Variants in DENND2A observed in about 807,000 individuals in gnomAD.
The protein encoded by DENND2A is DENN domain containing 2A, also known as DENN domain-containing protein 2A.
In DENND2A, 53 loss-of-function variants were observed where a neutral mutation model predicts 105.3. The ratio of observed to expected loss-of-function variants is 0.50; its 90% CI spans 0.40 to 0.63. The LOEUF is 0.63. Ranked by LOEUF, DENND2A falls within the 30% of genes least tolerant of loss-of-function variation. The pLI is 0.00. For synonymous variants in DENND2A, 522 were observed against 508.4 expected (o/e 1.03, Z -0.36); for missense variants, 1,138 against 1,279.6 (o/e 0.89, Z 1.69).
chr7:140,614,030 C>G (rs1799999849), intron 1 of DENND2A, among the ~76,000 whole-genome samples: 2 of 152,184 alleles, frequency 1.3e-5, no homozygotes, highest in African/African-American at 4.8e-5. Flanking sequence ...CTCCTGCTCA[C>G]TGTTTCCCTT....
rs1585718864 is a variant in DENND2A at position 140,595,093 on chromosome 7, A to G, written c.995+6310T>C. 2.7e-5 allele frequency among the ~76,000 whole-genome samples: 4 copies of G among 149,610 alleles called. No homozygotes were observed. The South Asian group carries it at 8.5e-4, about 32-fold the overall frequency. On this transcript the variant is annotated intron_variant, in intron 3 of 19. Transcript: ENST00000496613. ...AGGATTTCGGCTCATTGCAACCTCC[A>G]CTTCCTGGATTCATGTGATTCTCCT...
chr7:140,601,989 G>A lies in DENND2A; in HGVS notation c.409C>T (p.Pro137Ser), dbSNP rs184946981. The A allele has an allele frequency of 3.1e-6, 5 of 1,614,228 alleles. No individual in the cohort carries two copies. The highest frequency in any genetic ancestry group is 2.7e-5 in the African/African-American group (2 of 75,064). Residue 137 changes from proline (P) to serine (S), a missense_variant, in exon 3 of 20, where the codon CCT becomes TCT. Coordinates refer to ENST00000496613, the MANE Select transcript of DENND2A (RefSeq NM_015689.5). ...GGCTCTCGGCCTCGGCCCCAGCTAG[G>A]ATCCACTTCCCGTTCTGGCTGGCTT... Reference protein sequence around the residue: ...DLSQPEREVDPSWGRGREPRL... With the variant: ...DLSQPEREVDSSWGRGREPRL...
At chr7:140,524,790 C>T (rs1399888042) in intron 16 of DENND2A, among the ~76,000 whole-genome samples, 35 of 151,786 alleles carry the variant, frequency 2.3e-4, no homozygotes, top group Admixed American at 2.3e-3. Context: ...CATGTTGTCC[C>T]AGGCTGGTCT....
intron 14 of DENND2A, among the ~76,000 whole-genome samples, chr7:140,529,612 G>T (rs1429531178): frequency 1.3e-5 from 2 of 152,144 alleles, no homozygotes; most frequent in African/African-American, 4.8e-5. Flanking sequence ...ATACTATGCA[G>T]CCATAAAAAA....
At chr7:140,638,323 TTTTGC>T (rs981371013) in intron 1 of DENND2A, among the ~76,000 whole-genome samples, 40 of 152,340 alleles carry the variant, frequency 2.6e-4, no homozygotes, top group Admixed American at 8.5e-4. Flanking sequence ...TCCACATTCC[TTTTGC>T]TTTGCTTTGT....
At chr7:140,621,471 A>G (rs1224717645) in intron 1 of DENND2A, among the ~76,000 whole-genome samples, 1 of 148,824 alleles carries the variant, frequency 6.7e-6, no homozygotes, top group African/African-American at 2.4e-5. Flanking sequence ...TGTTCAGTAC[A>G]AATGCAAACA....
intron 3 of DENND2A, among the ~76,000 whole-genome samples, chr7:140,593,734 C>G (rs767800934): frequency 6.6e-6 from 1 of 152,092 alleles, no homozygotes; most frequent in Non-Finnish European, 1.5e-5. Flanking sequence ...GTTTTACCTC[C>G]AAAGCATCTC....
Position 140,595,747 on chromosome 7 carries a change from G to A in DENND2A, c.995+5656C>T, listed in dbSNP as rs150511939. ...TGCACCACTGCACTCCGGCCTGGGA[G>A]ACAGAGCAAGACCCTGTTTAAAAAA... On this transcript the variant is annotated intron_variant, in intron 3 of 19. Transcript: ENST00000496613. Among the ~76,000 whole-genome samples the A allele has an allele frequency of 6.6e-3, 1,010 of 151,930 alleles. 7 individuals are homozygous for A. The highest frequency in any genetic ancestry group is 0.023 in the African/African-American group (942 of 41,450).
intron 1 of DENND2A, among the ~76,000 whole-genome samples, chr7:140,635,508 G>A (rs1417872959): frequency 3.3e-5 from 5 of 152,192 alleles, no homozygotes; most frequent in South Asian, 2.1e-4. Context: ...CCAAGGTTGC[G>A]GCTCCCTGTA....
Position 140,519,734 on chromosome 7 carries a change from A to G in DENND2A, c.2912-16T>C, listed in dbSNP as rs774839406. The G allele has an allele frequency of 1.6e-5, 26 of 1,612,266 alleles. No homozygotes were observed. The African/African-American group carries it at 3.5e-4, about 22-fold the overall frequency. ...TCAAACAGACCTGTTAACAAGAGAA[A>G]TCCCAGCCATTTGAGTTCTTGGTCT... On this transcript the variant is annotated splice_polypyrimidine_tract_variant and intron_variant, in intron 18 of 19. Transcript: ENST00000496613.
intron 6 of DENND2A, 107 bp downstream of exon 6, chr7:140,573,701 G>T: frequency 2.3e-6 from 3 of 1,278,426 alleles, no homozygotes; most frequent in Non-Finnish European, 3.3e-6. Context: ...AGCAACACAG[G>T]TGGGAGAGGG....
At chr7:140,612,136 G>T (rs1228380719) in intron 1 of DENND2A, among the ~76,000 whole-genome samples, 3 of 152,070 alleles carry the variant, frequency 2.0e-5, no homozygotes, top group Non-Finnish European at 2.9e-5. Flanking sequence ...AGCTACTTGG[G>T]AAGCTGAGGC....
At chr7:140,556,639 C>T (rs540708709) in intron 11 of DENND2A, among the ~76,000 whole-genome samples, 2 of 152,362 alleles carry the variant, frequency 1.3e-5, no homozygotes, top group Admixed American at 1.3e-4. Context: ...TGCCCGACCT[C>T]AGTCTCAATA....
rs200132556 is a variant in DENND2A, at chr7:140,601,703, A to C, written c.695T>G (p.Val232Gly). The change falls in exon 3 of 20, where the codon GTG (valine) becomes GGG (glycine). Residue 232 changes from valine (V) to glycine (G), a missense_variant. Physicochemically the swap from Val to Gly is moderately radical, Grantham distance 109. Around this residue, in one of 2 missense-constraint regions of DENND2A, gnomAD observed 511 missense variants for 499.9 expected, o/e 1.02. Coordinates refer to ENST00000496613, the MANE Select transcript of DENND2A (RefSeq NM_015689.5). ...TCTGCATGAACCTTTCCTGTCCTCC[A>C]CAAGCTCAGGGGTGGGCTCCCTGCC... is the stretch of plus-strand genomic sequence containing the variant. ...LEGREPTPEL[V>G]EDRKGSCRRP... 1.7e-4 allele frequency: 275 copies of C among 1,613,908 alleles called. No homozygotes were observed. The African/African-American group carries it at 3.5e-3, about 20-fold the overall frequency.
chr7:140,555,010 CAGA>C (rs1253022266), intron 12 of DENND2A, among the ~76,000 whole-genome samples: 1 of 152,124 alleles, frequency 6.6e-6, no homozygotes, highest in East Asian at 1.9e-4. Context: ...AGGCAATTCT[CAGA>C]AGAAGAAAAA....
At chr7:140,633,422 T>C (rs1800807452) in intron 1 of DENND2A, among the ~76,000 whole-genome samples, 1 of 152,178 alleles carries the variant, frequency 6.6e-6, no homozygotes, top group Non-Finnish European at 1.5e-5. Flanking sequence ...CCCAAAGTGC[T>C]AGAATTACAG....
intron 1 of DENND2A, among the ~76,000 whole-genome samples, chr7:140,623,439 C>T (rs1800377551): frequency 6.7e-6 from 1 of 149,266 alleles, no homozygotes; most frequent in African/African-American, 2.5e-5. Flanking sequence ...ACCTAAAGAG[C>T]GTATGGAGGG....
At chr7:140,582,806 A>C (rs748014201) in intron 5 of DENND2A, among the ~76,000 whole-genome samples, 9 of 152,364 alleles carry the variant, frequency 5.9e-5, no homozygotes, top group South Asian at 4.1e-4. Context: ...ATGAGATTTA[A>C]GTTGACCTTT....
At chr7:140,621,202 A>T (rs531223561) in intron 1 of DENND2A, among the ~76,000 whole-genome samples, 311 of 150,392 alleles carry the variant, frequency 2.1e-3, no homozygotes, top group African/African-American at 6.4e-3. Flanking sequence ...CTAATTAAAA[A>T]ATTTTTTTTT....
Sources: gnomAD v4.1 joint callset for allele counts (sites outside exome capture counted in the v4.1 genomes callset) on GRCh38, gnomAD v4.1.1 for gene constraint, gnomAD v4.1.1 regional missense constraint, MANE v1.5 for transcripts, NCBI Gene and HGNC (gene_info 2026-07-23, HGNC 2026-07-21) for gene names.